CNTNAP3: variants seen among roughly 807,000 people sequenced by gnomAD.
CNTNAP3 encodes contactin associated protein family member 3.
CNTNAP3 carries 36 observed loss-of-function variants against 92.1 expected under a neutral mutation model. The ratio of observed to expected loss-of-function variants is 0.39; its 90% CI spans 0.30 to 0.52. The LOEUF (loss-of-function observed/expected upper bound fraction) is 0.52. Ranked by LOEUF, CNTNAP3 falls within the 20% of genes least tolerant of loss-of-function variation. The pLI is 0.76. For synonymous variants in CNTNAP3, 232 were observed against 422.3 expected, an observed-to-expected ratio of 0.55 and a Z score of 5.53; for missense variants, 534 against 1,069.6, an observed-to-expected ratio of 0.50 and a Z score of 6.98.
At chr9:39,132,001 C>T (rs546515821) in intron 13 of CNTNAP3, among the ~76,000 whole-genome samples, 195 of 152,002 alleles carry the variant, frequency 1.3e-3, no homozygotes, top group African/African-American at 4.5e-3. Flanking sequence ...ATTTAAGTGG[C>T]TTTATTATGC....
At chr9:39,077,343 G>A (rs1347521337) in intron 23 of CNTNAP3, among the ~76,000 whole-genome samples, 2 of 151,854 alleles carry the variant, frequency 1.3e-5, no homozygotes, top group African/African-American at 4.8e-5. Context: ...TGGATCACGA[G>A]GTCAGGAGAT....
At position 39,102,483 on chromosome 9, in the gene CNTNAP3, C is replaced by G; in HGVS notation, c.2755+14G>C. ...GACTCACACTAAATTCAGTTATAAA[C>G]CACCAGCACTCACCAATGAAGAGCT... On this transcript the variant is annotated intron_variant, in intron 17 of 23. Coordinates refer to ENST00000297668, the MANE Select transcript of CNTNAP3 (RefSeq NM_033655.5). The G allele has an allele frequency of 6.7e-7, 1 of 1,502,424 alleles. No homozygotes were observed. The highest frequency in any genetic ancestry group is 9.1e-7 in the Non-Finnish European group (1 of 1,104,562). The allele number at this position is 1,502,424 out of a possible 1,614,324, so 93.1% of individuals were successfully genotyped here.
At chr9:39,135,773 TA>T (rs752396254) in intron 12 of CNTNAP3, among the ~76,000 whole-genome samples, 40 of 152,260 alleles carry the variant, frequency 2.6e-4, no homozygotes, top group South Asian at 1.9e-3. Context: ...TATTTTATAA[TA>T]AAGTGTTGAA....
Position 39,065,895 on chromosome 9 carries a change from C to A in CNTNAP3, c.*7995G>T, listed in dbSNP as rs2990056. On this transcript the variant is annotated 3_prime_UTR_variant, in exon 24 of 24. Transcript: ENST00000297668. ...TCAAATAAAGTGTTGCAAATATTTT[C>A]TCCCAGTCTGTAGCTTGACTCTTAT... 6.6e-6 allele frequency among the ~76,000 whole-genome samples: 1 copy of A among 151,728 alleles called. No individual in the cohort carries two copies. Among genetic ancestry groups the A allele is most frequent in the African/African-American group, 2.4e-5 (1 of 41,302 alleles).
intron 13 of CNTNAP3, among the ~76,000 whole-genome samples, 185 bp from the exon 14 acceptor site, chr9:39,118,444 C>T (rs569549665): frequency 9.9e-5 from 15 of 152,204 alleles, no homozygotes; most frequent in African/African-American, 3.6e-4. Context: ...CAATGTTTTT[C>T]CCCCAATATT....
intron 21 of CNTNAP3, among the ~76,000 whole-genome samples, chr9:39,084,205 T>G (rs1396130928): frequency 6.8e-6 from 1 of 147,752 alleles, no homozygotes; most frequent in Non-Finnish European, 1.5e-5. Flanking sequence ...TTTTTTTTTT[T>G]TTTTTTTTTT....
rs1031638074 is a variant in CNTNAP3 at position 39,072,279 on chromosome 9, T to A, written c.*1611A>T. ...AGATGGAAATTCATTTACGTAACAG[T>A]AACGCTGAATCAATATATTTTCAGC... On this transcript the variant is annotated 3_prime_UTR_variant, in exon 24 of 24. Coordinates refer to ENST00000297668, the MANE Select transcript of CNTNAP3 (RefSeq NM_033655.5). Among the ~76,000 whole-genome samples, 2 of 135,374 alleles carry A rather than the reference T, an allele frequency of 1.5e-5. No homozygotes were observed. The highest frequency in any genetic ancestry group is 6.0e-5 in the African/African-American group (2 of 33,202). 88.8% of individuals were successfully genotyped at this position (135,374 alleles called of 152,430 possible).
At chr9:39,093,572 C>G (rs58016172) in intron 18 of CNTNAP3, among the ~76,000 whole-genome samples, 35,839 of 150,894 alleles carry the variant, frequency 0.24, 4,534 homozygotes, top group East Asian at 0.38. Context: ...TCTACTTTGT[C>G]TCTACAAATT....
At chr9:39,099,297 G>A (rs1177635027) in intron 18 of CNTNAP3, among the ~76,000 whole-genome samples, 1 of 152,132 alleles carries the variant, frequency 6.6e-6, no homozygotes, top group African/African-American at 2.4e-5. Flanking sequence ...GAAGCTGTGT[G>A]ATACCCCACT....
intron 21 of CNTNAP3, among the ~76,000 whole-genome samples, chr9:39,082,086 C>CAAAAAA: frequency 9.8e-6 from 1 of 102,288 alleles, no homozygotes; most frequent in Non-Finnish European, 2.2e-5. Context: ...AACTCGATCT[C>CAAAAAA]AAAAAAAAAA....
At chr9:39,174,359 T>G in intron 7 of CNTNAP3, 2 of 600,534 alleles carry the variant, frequency 3.3e-6, no homozygotes, top group South Asian at 3.6e-5. Flanking sequence ...ATAGTAAAAC[T>G]TAGACTTCAA....
intron 1 of CNTNAP3, among the ~76,000 whole-genome samples, chr9:39,285,449 A>G (rs1823030928): frequency 2.1e-5 from 1 of 47,834 alleles, no homozygotes; most frequent in African/African-American, 4.6e-5. Context: ...AAGCTTTCCC[A>G]TGTATTTGTC....
rs1587715051 is a variant in CNTNAP3, at chr9:39,115,063, A to G, written c.2237+3040T>C. On this transcript the variant is annotated intron_variant, in intron 14 of 23. Coordinates refer to ENST00000297668, the MANE Select transcript of CNTNAP3 (RefSeq NM_033655.5). Reference sequence around the variant, plus strand: ...TGGCATGTTATAGTTATTTGATAGAATATTCTTACTGTGCCTGAGGAACTG... The same window carrying G: ...TGGCATGTTATAGTTATTTGATAGAGTATTCTTACTGTGCCTGAGGAACTG... Among the ~76,000 whole-genome samples, 3 of 151,796 alleles carry G rather than the reference A, an allele frequency of 2.0e-5. No homozygotes were observed. The East Asian group carries it at 5.8e-4, about 29-fold the overall frequency.
At chr9:39,136,130 A>AAATAATAATAATAATAATAAT in intron 12 of CNTNAP3, among the ~76,000 whole-genome samples, 1 of 144,928 alleles carries the variant, frequency 6.9e-6, no homozygotes, top group African/African-American at 2.6e-5. Flanking sequence ...CTCTGTCTCA[A>AAATAATAATAATAATAATAAT]AATAATAATA....
chr9:39,104,222 A>G (rs1402837046), intron 15 of CNTNAP3, among the ~76,000 whole-genome samples: 2 of 152,160 alleles, frequency 1.3e-5, no homozygotes, highest in Non-Finnish European at 2.9e-5. Context: ...CCTCAAAGGT[A>G]CGACCAACAG....
At chr9:39,137,511 T>C (rs540931011) in intron 12 of CNTNAP3, among the ~76,000 whole-genome samples, 1 of 152,150 alleles carries the variant, frequency 6.6e-6, no homozygotes, top group Admixed American at 6.5e-5. Flanking sequence ...TTTTTGTTTG[T>C]TTTGTTTTTT....
intron 13 of CNTNAP3, among the ~76,000 whole-genome samples, chr9:39,132,655 C>T (rs1821320409): frequency 6.6e-6 from 1 of 152,222 alleles, no homozygotes; most frequent in South Asian, 2.1e-4. Flanking sequence ...GAACGGAAAG[C>T]TAAGGCATAA....
At chr9:39,107,294 AGAGG>A (rs1335281277) in intron 15 of CNTNAP3, among the ~76,000 whole-genome samples, 4 of 149,830 alleles carry the variant, frequency 2.7e-5, no homozygotes, top group African/African-American at 9.8e-5. Context: ...AAGAAAGAAG[AGAGG>A]GAGGGAGGGA....
At chr9:39,147,331 T>C (rs1480256595) in intron 10 of CNTNAP3, among the ~76,000 whole-genome samples, 10 of 152,062 alleles carry the variant, frequency 6.6e-5, no homozygotes, top group Admixed American at 3.9e-4. Context: ...TTCAGGATAC[T>C]TAAAAGTGAA....
Sources: allele counts gnomAD v4.1 joint callset (sites outside exome capture counted in the v4.1 genomes callset), GRCh38; gene constraint gnomAD v4.1.1; transcripts MANE v1.5; gene names NCBI Gene and HGNC (gene_info 2026-07-23, HGNC 2026-07-21).